Variants in GIGYF2 observed in about 807,000 individuals in gnomAD.
The protein encoded by GIGYF2 is GRB10-interacting GYF protein 2.
GIGYF2 carries 25 observed loss-of-function variants against 208.1 expected under a neutral mutation model. The observed-to-expected ratio is 0.12, with a 90% confidence interval of 0.09 to 0.17. GIGYF2 has a LOEUF of 0.17. Among genes scored for constraint, GIGYF2 ranks in the 10% least tolerant of loss-of-function variants. The probability of loss-of-function intolerance (pLI) is 1.00; values close to 1 mark genes in which losing one functional copy is unlikely to be tolerated. For missense variants in GIGYF2, 1,302 were observed against 1,579.4 expected (o/e 0.82, Z 2.98); for synonymous variants, 534 against 543.8 (o/e 0.98, Z 0.25).
intron 8 of GIGYF2, among the ~76,000 whole-genome samples, chr2:232,778,911 A>G (rs1470637863): frequency 6.6e-6 from 1 of 152,188 alleles, no homozygotes; most frequent in African/African-American, 2.4e-5. Context: ...TGATAAGGTT[A>G]ATCTTCCCTG....
chr2:232,787,359 G>A lies in GIGYF2; in HGVS notation c.712+30G>A, dbSNP rs778111270. 5.7e-6 allele frequency: 9 copies of A among 1,588,484 alleles called. No individual in the cohort carries two copies. In the South Asian group the frequency reaches 8.8e-5, roughly 16 times the overall value. On this transcript the variant is annotated intron_variant, in intron 9 of 28. Transcript: ENST00000373563. Reference sequence around the variant, plus strand: ...GAATTCTGTTGAGTAAAGGCACACAGGGACTGAAATAAGGGAAAGTTTGAT... The same window carrying A: ...GAATTCTGTTGAGTAAAGGCACACAAGGACTGAAATAAGGGAAAGTTTGAT...
At chr2:232,785,898 GT>G (rs1364554853) in intron 8 of GIGYF2, among the ~76,000 whole-genome samples, 5 of 152,184 alleles carry the variant, frequency 3.3e-5, no homozygotes, top group Non-Finnish European at 5.9e-5. Flanking sequence ...GATTGAGTTT[GT>G]CATTATGAGA....
rs1164752700 is a variant in GIGYF2, at chr2:232,747,760, A to G, written c.171+16A>G. ...AGACAACAAGGTAAGAAAGTAGGAAAAGAGTTCAAAATTGTGAATGAGACT... is the reference window on the plus strand; with the variant it reads ...AGACAACAAGGTAAGAAAGTAGGAAGAGAGTTCAAAATTGTGAATGAGACT... On this transcript the variant is annotated intron_variant, in intron 4 of 28. Transcript: ENST00000373563. The G allele has an allele frequency of 1.2e-5, 19 of 1,611,162 alleles. No homozygotes were observed. Among genetic ancestry groups the G allele is most frequent in the Non-Finnish European group, 1.4e-5 (16 of 1,178,108 alleles).
intron 21 of GIGYF2, among the ~76,000 whole-genome samples, chr2:232,826,765 A>T (rs1448816610): frequency 1.3e-5 from 2 of 152,228 alleles, no homozygotes. Context: ...CCCTAGATAA[A>T]ATGCTATCAA....
At chr2:232,794,981 A>G (rs539695137) in intron 13 of GIGYF2, 37 bp downstream of exon 13, 4 of 1,459,534 alleles carry the variant, frequency 2.7e-6, no homozygotes, top group Non-Finnish European at 3.8e-6. Context: ...CTCCTCTTAA[A>G]CTGCCGTAAG....
intron 25 of GIGYF2, among the ~76,000 whole-genome samples, 172 bp from the exon 26 acceptor site, chr2:232,845,560 T>G (rs1701970101): frequency 6.6e-6 from 1 of 152,178 alleles, no homozygotes; most frequent in Non-Finnish European, 1.5e-5. Flanking sequence ...AGGCTAGATT[T>G]TAAGGGTATA....
At chr2:232,822,548 G>A (rs1218862936) in intron 21 of GIGYF2, among the ~76,000 whole-genome samples, 4 of 152,198 alleles carry the variant, frequency 2.6e-5, no homozygotes, top group African/African-American at 9.6e-5. Context: ...GGGCGTGGTG[G>A]CGTGCGCCTG....
chr2:232,778,790 AGG>A (rs1272937989), intron 8 of GIGYF2, among the ~76,000 whole-genome samples: 1 of 152,142 alleles, frequency 6.6e-6, no homozygotes, highest in African/African-American at 2.4e-5. Flanking sequence ...TGGGAAAATG[AGG>A]GGAGGAAATG....
chr2:232,856,805 A>T lies in GIGYF2; in HGVS notation c.3845A>T (p.Asn1282Ile). The change falls in exon 29 of 29, where the codon AAT becomes ATT. Residue 1282 changes from asparagine (N) to isoleucine (I), a missense_variant. Physicochemically the swap from Asn to Ile is moderately radical, Grantham distance 149. Around this residue, in one of 8 missense-constraint regions of GIGYF2, gnomAD observed 25 missense variants for 53.7 expected, o/e 0.47. Coordinates refer to ENST00000373563, the MANE Select transcript of GIGYF2 (RefSeq NM_001103146.3). Reference protein sequence around the residue: ...ADPSLLGFSVNASSERLNMGE... With the variant: ...ADPSLLGFSVIASSERLNMGE... ...TTTTTTTCTGCAGGATTTTCAGTCA[A>T]TGCATCATCGGAGCGACTCAACATG... 1 of 1,613,064 alleles carries T rather than the reference A, an allele frequency of 6.2e-7. No individual in the cohort carries two copies. Among genetic ancestry groups the T allele is most frequent in the Non-Finnish European group, 8.5e-7 (1 of 1,179,020 alleles).
intron 3 of GIGYF2, among the ~76,000 whole-genome samples, chr2:232,740,263 C>A (rs989811483): frequency 2.6e-5 from 4 of 152,100 alleles, no homozygotes; most frequent in Non-Finnish European, 5.9e-5. Flanking sequence ...TTGAGACCAA[C>A]CTGGGACAAC....
intron 21 of GIGYF2, among the ~76,000 whole-genome samples, chr2:232,821,277 A>C (rs920808369): frequency 6.6e-6 from 1 of 152,190 alleles, no homozygotes; most frequent in Admixed American, 6.5e-5. Context: ...ATCTTGACTT[A>C]CTGCAGCCTC....
Position 232,794,831 on chromosome 2 carries a change from C to G in GIGYF2, c.1366C>G (p.Pro456Ala). 2 of 1,613,742 alleles carry G rather than the reference C, an allele frequency of 1.2e-6. No individual in the cohort carries two copies. The highest frequency in any genetic ancestry group is 2.2e-5 in the South Asian group (2 of 91,072). The change falls in exon 13 of 29, where the codon CCC (proline) becomes GCC (alanine). Residue 456 changes from proline (P) to alanine (A), a missense_variant. By Grantham distance (27) the Pro-to-Ala change is conservative. Coordinates refer to ENST00000373563, the MANE Select transcript of GIGYF2 (RefSeq NM_001103146.3). ...TCTTCTCATACTTCCACCTCCTGTT[C>G]CCAATCCTAGTCCTACTCTCCGGCC... is the stretch of plus-strand genomic sequence containing the variant. ...SPLLILPPPVPNPSPTLRPVE... is the reference protein window; with the variant it reads ...SPLLILPPPVANPSPTLRPVE...
chr2:232,735,131 T>C lies in GIGYF2; in HGVS notation c.-43-24T>C, dbSNP rs552906033. 21 of 1,001,078 alleles carry C rather than the reference T, an allele frequency of 2.1e-5. No homozygotes were observed. The African/African-American group carries it at 3.2e-4, about 15-fold the overall frequency. The allele number at this position is 1,001,078 out of a possible 1,614,324, so 62.0% of individuals were successfully genotyped here. ...CCACATTTAATCTCAACTAATAGTA[T>C]GGAGATATTTTTCTCGTTAACAGGT... On this transcript the variant is annotated intron_variant, in intron 2 of 28. Transcript: ENST00000373563.
chr2:232,748,012 C>T (rs1256169032), intron 4 of GIGYF2, among the ~76,000 whole-genome samples: 1 of 152,218 alleles, frequency 6.6e-6, no homozygotes, highest in Non-Finnish European at 1.5e-5. Flanking sequence ...ACCCCCCTTT[C>T]ATGTCTATTT....
intron 27 of GIGYF2, among the ~76,000 whole-genome samples, chr2:232,848,113 C>CA (rs1702080285): frequency 6.6e-6 from 1 of 152,292 alleles, no homozygotes; most frequent in Non-Finnish European, 1.5e-5. Context: ...AACTTCTAGT[C>CA]ACAATATTTT....
intron 5 of GIGYF2, among the ~76,000 whole-genome samples, chr2:232,750,492 C>T (rs1698297552): frequency 6.6e-6 from 1 of 152,186 alleles, no homozygotes; most frequent in Non-Finnish European, 1.5e-5. Context: ...CCTTTTAATA[C>T]AAGTGATACG....
At chr2:232,730,673 C>T (rs1235865224) in intron 2 of GIGYF2, among the ~76,000 whole-genome samples, 7 of 145,194 alleles carry the variant, frequency 4.8e-5, no homozygotes, top group Admixed American at 3.4e-4. Context: ...CCGAGGCGGG[C>T]GGATCACGAG....
chr2:232,730,433 C>T (rs927040558), intron 2 of GIGYF2, among the ~76,000 whole-genome samples: 152 of 150,738 alleles, frequency 1.0e-3, no homozygotes, highest in African/African-American at 3.4e-3. Flanking sequence ...GGTGAAACCC[C>T]GTCTCTACTG....
At chr2:232,703,536 G>A (rs554812314) in intron 2 of GIGYF2, 47 bp downstream of exon 2, 2 of 152,728 alleles carry the variant, frequency 1.3e-5, no homozygotes, top group African/African-American at 4.8e-5. Flanking sequence ...TTGCAAATAG[G>A]TAATTTCTGC....
Sources: allele counts gnomAD v4.1 joint callset (sites outside exome capture counted in the v4.1 genomes callset), GRCh38; gene constraint gnomAD v4.1.1; regional missense constraint gnomAD v4.1.1; transcripts MANE v1.5; gene names NCBI Gene and HGNC (gene_info 2026-07-23, HGNC 2026-07-21).